SRC: variants seen among roughly 807,000 people sequenced by gnomAD.
SRC encodes the protein proto-oncogene tyrosine-protein kinase Src.
A neutral mutation model predicts 62.9 loss-of-function variants in SRC; 13 were observed. The observed-to-expected ratio is 0.21, with a 90% CI of 0.13 to 0.33. SRC has a LOEUF of 0.33. Among genes scored for constraint, SRC ranks in the 10% least tolerant of loss-of-function variants. The pLI, the probability that SRC is intolerant of heterozygous loss-of-function variation, is 1.00. For synonymous variants in SRC, 302 were observed against 317.5 expected (o/e 0.95, Z 0.52); for missense variants, 457 against 737.3 (o/e 0.62, Z 4.40).
Position 37,403,090 on chromosome 20 carries a change from C to A in SRC, c.1403-81C>A. ...TCCCAACCTGTCCTAGGCAGGAAGC[C>A]CTCGCTGCCCTCCCCATCAGCTTCC... is the stretch of plus-strand genomic sequence containing the variant. On this transcript the variant is annotated intron_variant, in intron 13 of 13. Transcript: ENST00000373578. This position sits in a 1 kb window ranked among gnomAD's most constrained non-coding sequence, Gnocchi z 7.1. 7.1e-7 allele frequency: 1 copy of A among 1,416,540 alleles called. No individual in the cohort carries two copies. The highest frequency in any genetic ancestry group is 9.4e-7 in the Non-Finnish European group (1 of 1,060,936). 87.7% of individuals were successfully genotyped at this position (1,416,540 alleles called of 1,614,324 possible). A position where few individuals can be genotyped will look rare whatever the true frequency, so the allele number is the denominator to read the frequency against.
At chr20:37,390,881 G>C (rs1328752381) in intron 5 of SRC, among the ~76,000 whole-genome samples, 2 of 152,152 alleles carry the variant, frequency 1.3e-5, no homozygotes, top group Non-Finnish European at 2.9e-5. Context: ...TCTAAATCAG[G>C]GGCCAGGCTG....
chr20:37,377,415 C>T (rs762284709), intron 2 of SRC, among the ~76,000 whole-genome samples: 11 of 152,202 alleles, frequency 7.2e-5, no homozygotes, highest in Non-Finnish European at 1.5e-4. Flanking sequence ...CTCCTAAGCT[C>T]CTGGCCTACT....
chr20:37,374,290 G>A (rs909607155), intron 2 of SRC, among the ~76,000 whole-genome samples: 4 of 152,016 alleles, frequency 2.6e-5, no homozygotes, highest in Non-Finnish European at 5.9e-5. Context: ...ATATTGGCCA[G>A]GCTGGTCTTG....
intron 9 of SRC, among the ~76,000 whole-genome samples, chr20:37,399,340 G>A (rs1442788479): frequency 6.6e-6 from 1 of 152,140 alleles, no homozygotes; most frequent in African/African-American, 2.4e-5. Flanking sequence ...GGGCTCCAGA[G>A]GTGACCTCTT....
chr20:37,355,230 G>C (rs2069863524), intron 1 of SRC, among the ~76,000 whole-genome samples: 1 of 152,018 alleles, frequency 6.6e-6, no homozygotes, highest in African/African-American at 2.4e-5. Flanking sequence ...GCAGCCTCCT[G>C]CCCTCCCCAC....
In SRC at chr20:37,384,551, G is replaced by C; in HGVS notation, c.250+148G>C. ...TGGGTGACTTGGGTGTCCGGGGGGT[G>C]GGGGGGCGGCCGTACACACTGTGAA... On this transcript the variant is annotated intron_variant, in intron 4 of 13. Coordinates refer to ENST00000373578, the MANE Select transcript of SRC (RefSeq NM_198291.3). This position sits in a 1 kb window ranked among gnomAD's most constrained non-coding sequence, Gnocchi z 6.7. 1.1e-6 allele frequency: 1 copy of C among 940,942 alleles called. No homozygotes were observed. The highest frequency in any genetic ancestry group is 1.4e-6 in the Non-Finnish European group (1 of 723,044). The allele number at this position is 940,942 out of a possible 1,614,324, so 58.3% of individuals were successfully genotyped here.
At chr20:37,401,783 C>T (rs2070741594) in intron 11 of SRC, 105 bp downstream of exon 11, 1 of 721,086 alleles carries the variant, frequency 1.4e-6, no homozygotes, top group Non-Finnish European at 2.2e-6. Context: ...AAGAAGCCTG[C>T]CTTGATTGCC....
Position 37,398,451 on chromosome 20 carries a change from C to A in SRC, c.859+597C>A, listed in dbSNP as rs1411205946. Among the ~76,000 whole-genome samples, 1 of 152,216 alleles carries A rather than the reference C, an allele frequency of 6.6e-6. No homozygotes were observed. Among genetic ancestry groups the A allele is most frequent in the Non-Finnish European group, 1.5e-5 (1 of 68,028 alleles). On this transcript the variant is annotated intron_variant, in intron 9 of 13. Coordinates refer to ENST00000373578, the MANE Select transcript of SRC (RefSeq NM_198291.3). The surrounding 1 kb of genome is among the most constrained non-coding windows in gnomAD (Gnocchi z 5.2). ...GGTGGAGGAGAGACGGCGGTTGTAACCCCGTAAGCCCATGGTGCTAGCGGG... is the reference window on the plus strand; with the variant it reads ...GGTGGAGGAGAGACGGCGGTTGTAAACCCGTAAGCCCATGGTGCTAGCGGG...
intron 2 of SRC, among the ~76,000 whole-genome samples, chr20:37,379,942 T>TA (rs57772720): frequency 0.016 from 811 of 51,316 alleles, 11 homozygotes; most frequent in Non-Finnish European, 0.019. Context: ...GAGCTTGGAG[T>TA]AAAAAAAAAA....
intron 5 of SRC, among the ~76,000 whole-genome samples, chr20:37,388,186 G>C (rs6018233): frequency 0.063 from 9,533 of 152,264 alleles, 951 homozygotes; most frequent in African/African-American, 0.22. Context: ...AGGAAGGGCT[G>C]GGAGAACTTT....
At chr20:37,359,186 C>T (rs748497399) in intron 1 of SRC, among the ~76,000 whole-genome samples, 7 of 152,196 alleles carry the variant, frequency 4.6e-5, no homozygotes, top group African/African-American at 9.6e-5. Flanking sequence ...GATCTGGGGC[C>T]GAGGGCTGCC....
chr20:37,385,385 G>A (rs937459731), intron 4 of SRC, among the ~76,000 whole-genome samples: 2 of 152,206 alleles, frequency 1.3e-5, no homozygotes, highest in Non-Finnish European at 2.9e-5. Context: ...ACAGGCCAGG[G>A]CTCCTCTGCT....
intron 5 of SRC, 157 bp downstream of exon 5, chr20:37,386,331 C>G: frequency 1.3e-6 from 1 of 768,308 alleles, no homozygotes; most frequent in Non-Finnish European, 2.3e-6. Flanking sequence ...GCTGCACTCT[C>G]GCCCTGGGCA....
In SRC at chr20:37,400,315, G is replaced by A. The variant is rs540776230; in HGVS notation, c.1039+21G>A. 124 of 1,588,434 alleles carry A rather than the reference G, an allele frequency of 7.8e-5. No homozygotes were observed. The East Asian group carries it at 2.6e-3, about 34-fold the overall frequency. ...CAAGGGTGAGTCCTGGGCGGCCGGG[G>A]CAGGGGGCAGGGGCACTCCGGACAG... is the stretch of plus-strand genomic sequence containing the variant. On this transcript the variant is annotated intron_variant, in intron 10 of 13. Transcript: ENST00000373578.
chr20:37,387,480 C>T (rs2070475091), intron 5 of SRC, among the ~76,000 whole-genome samples: 1 of 150,426 alleles, frequency 6.6e-6, no homozygotes, highest in Non-Finnish European at 1.5e-5. Flanking sequence ...CAAGGTCACA[C>T]AGCTGCCAAG....
At chr20:37,353,535 C>T (rs779641136) in intron 1 of SRC, among the ~76,000 whole-genome samples, 5 of 152,278 alleles carry the variant, frequency 3.3e-5, no homozygotes, top group Admixed American at 6.5e-5. Flanking sequence ...TGAGCCCTTG[C>T]GGTCCCTTCA....
chr20:37,346,419 C>T (rs1287341944), intron 1 of SRC, among the ~76,000 whole-genome samples, 164 bp downstream of exon 1: 1 of 144,704 alleles, frequency 6.9e-6, no homozygotes, highest in Non-Finnish European at 1.5e-5. Context: ...AAGCGCCGGG[C>T]GGGCGCACGG....
In SRC at chr20:37,402,129, A is replaced by T; in HGVS notation, c.1117-306A>T. 1 of 377,372 alleles carries T rather than the reference A, an allele frequency of 2.6e-6. No homozygotes were observed. The highest frequency in any genetic ancestry group is 4.8e-6 in the Non-Finnish European group (1 of 209,100). 23.4% of individuals were successfully genotyped at this position (377,372 alleles called of 1,614,324 possible). A position where few individuals can be genotyped will look rare whatever the true frequency, so the allele number is the denominator to read the frequency against. On this transcript the variant is annotated intron_variant, in intron 11 of 13. Coordinates refer to ENST00000373578, the MANE Select transcript of SRC (RefSeq NM_198291.3). The surrounding 1 kb of genome is among the most constrained non-coding windows in gnomAD (Gnocchi z 6.2). Reference sequence around the variant, plus strand: ...GGGCAGCAGGCAGGACCTGGCACTCATCTGTGTCTGGGTCCGCTGGGGCCT... The same window carrying T: ...GGGCAGCAGGCAGGACCTGGCACTCTTCTGTGTCTGGGTCCGCTGGGGCCT...
At position 37,404,828 on chromosome 20, in the gene SRC, T is replaced by C. The variant is rs140139507; in HGVS notation, c.*1449T>C. The C allele has an allele frequency of 3.3e-3, 762 of 233,674 alleles. 7 individuals carry two copies. Among genetic ancestry groups the C allele is most frequent in the African/African-American group, 0.016 (723 of 45,456 alleles). 14.5% of individuals were successfully genotyped at this position (233,674 alleles called of 1,614,324 possible). On this transcript the variant is annotated 3_prime_UTR_variant, in exon 14 of 14. Coordinates refer to ENST00000373578, the MANE Select transcript of SRC (RefSeq NM_198291.3). ...TTCTCCCTGGGCCTCAGTGTGCCCA[T>C]CTGTAAAGGGGCAGCTGACAGTTTG...
Sources: allele counts gnomAD v4.1 joint callset (sites outside exome capture counted in the v4.1 genomes callset), GRCh38; gene constraint gnomAD v4.1.1; non-coding constraint Gnocchi (gnomAD v3.1); transcripts MANE v1.5; gene names NCBI Gene and HGNC (gene_info 2026-07-23, HGNC 2026-07-21).